The following CLDN8 variants were observed in gnomAD, a reference collection of about 807,000 sequenced individuals.
CLDN8 encodes claudin 8.
In CLDN8, 2 loss-of-function variants were observed where a neutral mutation model predicts 2.2. The ratio of observed to expected loss-of-function variants is 0.90; its 90% CI spans 0.37 to 2.82. The LOEUF is 2.82. Among genes scored for constraint, CLDN8 ranks in the 30% most tolerant of loss-of-function variants. The pLI is 0.10. For missense variants in CLDN8, 314 were observed against 280.5 expected, an observed-to-expected ratio of 1.12 and a Z score of -0.85; for synonymous variants, 107 against 104.8, an observed-to-expected ratio of 1.02 and a Z score of -0.13.
Position 30,215,265 on chromosome 21 carries a change from T to C in CLDN8, c.661A>G (p.Arg221Gly). The change falls in exon 1 of 1, where the codon AGA becomes GGA. Residue 221 changes from arginine to glycine, a missense_variant. By Grantham distance (125) the Arg-to-Gly change is moderately radical. Coordinates refer to ENST00000399899, the MANE Select transcript of CLDN8 (RefSeq NM_199328.3). ...ATACACAACTACACATACTGACTTCTGGAGTAGACGCTCGGTGACTTCTTT... is the reference window on the plus strand; with the variant it reads ...ATACACAACTACACATACTGACTTCCGGAGTAGACGCTCGGTGACTTCTTT... ...TGKKSPSVYSRSQYV is the reference protein window; with the variant it reads ...TGKKSPSVYSGSQYV The C allele has an allele frequency of 1.2e-6, 2 of 1,614,112 alleles. No individual in the cohort carries two copies. The highest frequency in any genetic ancestry group is 1.7e-6 in the Non-Finnish European group (2 of 1,179,954).
Position 30,214,792 on chromosome 21 carries a change from C to A in CLDN8, c.*456G>T, listed in dbSNP as rs537346475. On this transcript the variant is annotated 3_prime_UTR_variant, in exon 1 of 1. Transcript: ENST00000399899. ...AATAGTAACCTTCTTCAACCCTATC[C>A]ATGATTTCCCTGAAAAGCAATAGTT... 6.4e-6 allele frequency: 1 copy of A among 155,422 alleles called. No individual in the cohort carries two copies. The highest frequency in any genetic ancestry group is 1.4e-5 in the Non-Finnish European group (1 of 69,926). 9.6% of individuals were successfully genotyped at this position (155,422 alleles called of 1,614,324 possible).
Position 30,215,729 on chromosome 21 carries a change from A to AT in CLDN8, c.196dup (p.Ile66AsnfsTer3), listed in dbSNP as rs1339321889. 1 of 1,613,866 alleles carries AT rather than the reference A, an allele frequency of 6.2e-7. No homozygotes were observed. Among genetic ancestry groups the AT allele is most frequent in the Non-Finnish European group, 8.5e-7 (1 of 1,180,002 alleles). ...AGAAAGAGCCAGCAGGGAATCATAG[A>AT]TTTTGCACTGCATCCTGATGTTAGC... On this transcript the variant is annotated frameshift_variant, in exon 1 of 1. Transcript: ENST00000399899. LOFTEE classifies it low-confidence loss of function (END_TRUNC).
chr21:30,215,513 C>T lies in CLDN8; in HGVS notation c.413G>A (p.Ser138Asn). 2 of 1,614,098 alleles carry T rather than the reference C, an allele frequency of 1.2e-6. No individual in the cohort carries two copies. Among genetic ancestry groups the T allele is most frequent in the African/African-American group, 1.3e-5 (1 of 75,030 alleles). Residue 138 changes from serine (S) to asparagine (N), a missense_variant, in exon 1 of 1, where the codon AGC (serine) becomes AAC (asparagine). Ser to Asn is a conservative substitution (Grantham distance 46). Coordinates refer to ENST00000399899, the MANE Select transcript of CLDN8 (RefSeq NM_199328.3). ...ITGMVVLIPV[S>N]WVANAIIRDF... ...TCTGATGATGGCATTGGCAACCCAG[C>T]TCACAGGGATGAGCACCACCATGCC...
In CLDN8 at chr21:30,215,282, G is replaced by T; in HGVS notation, c.644C>A (p.Ser215Ter). The T allele has an allele frequency of 6.2e-7, 1 of 1,614,108 alleles. No homozygotes were observed. The highest frequency in any genetic ancestry group is 1.1e-5 in the South Asian group (1 of 91,062). Residue 215 changes from serine (S) to a stop codon, truncating the protein, a stop_gained, in exon 1 of 1, where the codon TCA (serine) becomes TAA (stop). Transcript: ENST00000399899. LOFTEE classifies it high-confidence loss of function. ...CTGACTTCTGGAGTAGACGCTCGGT[G>T]ACTTCTTTCCGGTGTGATAACTTTT... ...TQKSYHTGKK[S>*]PSVYSRSQYV
Position 30,215,489 on chromosome 21 carries a change from C to G in CLDN8, c.437G>C (p.Arg146Thr), listed in dbSNP as rs772528868. The G allele has an allele frequency of 6.2e-7, 1 of 1,614,080 alleles. No individual in the cohort carries two copies. Among genetic ancestry groups the G allele is most frequent in the Admixed American group, 1.7e-5 (1 of 60,012 alleles). Residue 146 changes from arginine to threonine, a missense_variant, in exon 1 of 1, where the codon AGA becomes ACA. Physicochemically the swap from Arg to Thr is moderately conservative, Grantham distance 71. Transcript: ENST00000399899. ...ATTCACTATTGAGTTATAGAAATCT[C>G]TGATGATGGCATTGGCAACCCAGCT... ...PVSWVANAII[R>T]DFYNSIVNVA...
Position 30,215,328 on chromosome 21 carries a change from G to T in CLDN8, c.598C>A (p.Pro200Thr). 1 of 1,614,160 alleles carries T rather than the reference G, an allele frequency of 6.2e-7. No homozygotes were observed. Among genetic ancestry groups the T allele is most frequent in the Non-Finnish European group, 8.5e-7 (1 of 1,180,020 alleles). ...CTTTTTTGGGTTGTGCGATGGGAAG[G>T]TATCGAGTATCTGTAGCTACTGCTC... ...EKSSSYRYSIPSHRTTQKSYH... is the reference protein window; with the variant it reads ...EKSSSYRYSITSHRTTQKSYH... Residue 200 changes from proline (P) to threonine (T), a missense_variant, in exon 1 of 1, where the codon CCT (proline) becomes ACT (threonine). By Grantham distance (38) the Pro-to-Thr change is conservative. Coordinates refer to ENST00000399899, the MANE Select transcript of CLDN8 (RefSeq NM_199328.3).
In CLDN8 at chr21:30,215,195, T is replaced by C. The variant is rs992975523; in HGVS notation, c.*53A>G. ...TGGGGTCCATTTTGAGAAAGTAATA[T>C]AGATTTTTGTCATTTGCATGGCTTT... is the stretch of plus-strand genomic sequence containing the variant. On this transcript the variant is annotated 3_prime_UTR_variant, in exon 1 of 1. Coordinates refer to ENST00000399899, the MANE Select transcript of CLDN8 (RefSeq NM_199328.3). 2.0e-5 allele frequency: 30 copies of C among 1,486,466 alleles called. No individual in the cohort carries two copies. The highest frequency in any genetic ancestry group is 3.6e-5 in the South Asian group (3 of 83,728). 92.1% of individuals were successfully genotyped at this position (1,486,466 alleles called of 1,614,324 possible). A position where few individuals can be genotyped will look rare whatever the true frequency, so the allele number is the denominator to read the frequency against.
Position 30,214,742 on chromosome 21 carries a change from A to T in CLDN8, c.*506T>A, listed in dbSNP as rs1190075234. The T allele has an allele frequency of 6.5e-6, 1 of 153,270 alleles. No individual in the cohort carries two copies. The highest frequency in any genetic ancestry group is 1.5e-5 in the Non-Finnish European group (1 of 68,522). The allele number at this position is 153,270 out of a possible 1,614,324, so 9.5% of individuals were successfully genotyped here. A position where few individuals can be genotyped will look rare whatever the true frequency, so the allele number is the denominator to read the frequency against. On this transcript the variant is annotated 3_prime_UTR_variant, in exon 1 of 1. Coordinates refer to ENST00000399899, the MANE Select transcript of CLDN8 (RefSeq NM_199328.3). The stretch of plus-strand genomic sequence containing the variant: ...TCTTCATTATAAATGGAGGACATTA[A>T]TCCCTAAGCTGTTTTTAAACAATTA...
In CLDN8 at chr21:30,214,167, T is replaced by A. The variant is rs182250092; in HGVS notation, c.*1081A>T. ...AAAATACAGTATTTACAGATTTTAGTAAAACTAAACAGAAATGGTACAAGA... is the reference window on the plus strand; with the variant it reads ...AAAATACAGTATTTACAGATTTTAGAAAAACTAAACAGAAATGGTACAAGA... On this transcript the variant is annotated 3_prime_UTR_variant, in exon 1 of 1. Coordinates refer to ENST00000399899, the MANE Select transcript of CLDN8 (RefSeq NM_199328.3). 1 of 152,280 alleles carries A rather than the reference T, an allele frequency of 6.6e-6. No homozygotes were observed. The highest frequency in any genetic ancestry group is 1.5e-5 in the Non-Finnish European group (1 of 67,984). The allele number at this position is 152,280 out of a possible 1,614,324, so 9.4% of individuals were successfully genotyped here.
Position 30,215,357 on chromosome 21 carries a change from T to C in CLDN8, c.569A>G (p.Glu190Gly). The C allele has an allele frequency of 6.2e-7, 1 of 1,614,192 alleles. No individual in the cohort carries two copies. Among genetic ancestry groups the C allele is most frequent in the Non-Finnish European group, 8.5e-7 (1 of 1,180,024 alleles). ...CGAGTATCTGTAGCTACTGCTCTTT[T>C]CGTTGCAACAAAAAACGCAGCAGAA... ...ALFCCVFCCN[E>G]KSSSYRYSIP... Residue 190 changes from glutamate to glycine, a missense_variant, in exon 1 of 1, where the codon GAA becomes GGA. Transcript: ENST00000399899.
Position 30,215,901 on chromosome 21 carries a change from C to T in CLDN8, c.25G>A (p.Ala9Thr), listed in dbSNP as rs778908212. 6.2e-7 allele frequency: 1 copy of T among 1,608,612 alleles called. No individual in the cohort carries two copies. The highest frequency in any genetic ancestry group is 8.5e-7 in the Non-Finnish European group (1 of 1,177,082). ...CCAACACCACCAAGAAACAGCCCAGCGATTTCTAAGGCATGGGTTGCCATT... is the reference window on the plus strand; with the variant it reads ...CCAACACCACCAAGAAACAGCCCAGTGATTTCTAAGGCATGGGTTGCCATT... MATHALEIAGLFLGGVGMV... is the reference protein window; with the variant it reads MATHALEITGLFLGGVGMV... Residue 9 changes from alanine to threonine, a missense_variant, in exon 1 of 1, where the codon GCT becomes ACT. By Grantham distance (58) the Ala-to-Thr change is moderately conservative (BLOSUM62 0). Transcript: ENST00000399899.
In CLDN8 at chr21:30,215,279, G is replaced by T; in HGVS notation, c.647C>A (p.Pro216Gln). The T allele has an allele frequency of 2.5e-6, 4 of 1,614,008 alleles. No homozygotes were observed. The highest frequency in any genetic ancestry group is 1.7e-5 in the Admixed American group (1 of 60,012). The change falls in exon 1 of 1, where the codon CCG becomes CAG. Residue 216 changes from proline (P) to glutamine (Q), a missense_variant. Transcript: ENST00000399899. ...QKSYHTGKKS[P>Q]SVYSRSQYV ...ATACTGACTTCTGGAGTAGACGCTC[G>T]GTGACTTCTTTCCGGTGTGATAACT...
chr21:30,215,333 G>A lies in CLDN8; in HGVS notation c.593C>T (p.Ser198Leu). The stretch of plus-strand genomic sequence containing the variant: ...TTGGGTTGTGCGATGGGAAGGTATC[G>A]AGTATCTGTAGCTACTGCTCTTTTC... ...CNEKSSSYRY[S>L]IPSHRTTQKS... The change falls in exon 1 of 1, where the codon TCG becomes TTG. Residue 198 changes from serine to leucine, a missense_variant. By Grantham distance (145) the Ser-to-Leu change is moderately radical. Coordinates refer to ENST00000399899, the MANE Select transcript of CLDN8 (RefSeq NM_199328.3). 2 of 1,614,116 alleles carry A rather than the reference G, an allele frequency of 1.2e-6. No individual in the cohort carries two copies. Among genetic ancestry groups the A allele is most frequent in the African/African-American group, 1.3e-5 (1 of 75,020 alleles).
rs1978973537 is a variant in CLDN8, at chr21:30,215,994, C to T, written c.-69G>A. On this transcript the variant is annotated 5_prime_UTR_variant, in exon 1 of 1. Coordinates refer to ENST00000399899, the MANE Select transcript of CLDN8 (RefSeq NM_199328.3). Reference sequence around the variant, plus strand: ...TACTTCTGCTTTGAAGCAGGGTTCTCTGTGCCACAGAAGAGAACAGTTTTT... The same window carrying T: ...TACTTCTGCTTTGAAGCAGGGTTCTTTGTGCCACAGAAGAGAACAGTTTTT... 1 of 1,385,528 alleles carries T rather than the reference C, an allele frequency of 7.2e-7. No homozygotes were observed. Among genetic ancestry groups the T allele is most frequent in the Non-Finnish European group, 9.9e-7 (1 of 1,011,396 alleles). 85.8% of individuals were successfully genotyped at this position (1,385,528 alleles called of 1,614,324 possible). A position where few individuals can be genotyped will look rare whatever the true frequency, so the allele number is the denominator to read the frequency against.
chr21:30,215,767 A>G lies in CLDN8; in HGVS notation c.159T>C (p.Asn53=). 6.2e-7 allele frequency: 1 copy of G among 1,614,012 alleles called. No homozygotes were observed. Among genetic ancestry groups the G allele is most frequent in the East Asian group, 2.2e-5 (1 of 44,868 alleles). ...FENFWEGLWM[N]CVRQANIRMQ... is the part of the protein sequence containing the mutation. ...TCCTGATGTTAGCCTGCCTCACGCA[A>G]TTCATCCACAGTCCTTCCCAGAAGT... is the stretch of plus-strand genomic sequence containing the variant. Residue 53 remains asparagine (N), a synonymous_variant, in exon 1 of 1, where the codon AAT becomes AAC. Transcript: ENST00000399899.
In CLDN8 at chr21:30,215,785, C is replaced by G; in HGVS notation, c.141G>C (p.Trp47Cys). ...TCACGCAATTCATCCACAGTCCTTC[C>G]CAGAAGTTTTCAAAAACCACGATGT... ...ENNIVVFENF[W>C]EGLWMNCVRQ... Residue 47 changes from tryptophan to cysteine, a missense_variant, in exon 1 of 1, where the codon TGG becomes TGC. Transcript: ENST00000399899. The G allele has an allele frequency of 1.9e-6, 3 of 1,613,984 alleles. No individual in the cohort carries two copies. Among genetic ancestry groups the G allele is most frequent in the Non-Finnish European group, 2.5e-6 (3 of 1,179,982 alleles).
In CLDN8 at chr21:30,215,475, A is replaced by G. The variant is rs686364; in HGVS notation, c.451T>C (p.Ser151Pro). 0.27 allele frequency: 432,011 copies of G among 1,613,388 alleles called. 65,975 individuals are homozygous for G. Among genetic ancestry groups the G allele is most frequent in the African/African-American group, 0.67 (50,319 of 74,894 alleles). Residue 151 changes from serine (S) to proline (P), a missense_variant, in exon 1 of 1, where the codon TCA becomes CCA. Physicochemically the swap from Ser to Pro is moderately conservative, Grantham distance 74. Coordinates refer to ENST00000399899, the MANE Select transcript of CLDN8 (RefSeq NM_199328.3). ...CGTTTTTGGGCAACATTCACTATTG[A>G]GTTATAGAAATCTCTGATGATGGCA... ...ANAIIRDFYN[S>P]IVNVAQKREL... is the part of the protein sequence containing the mutation.
At position 30,215,655 on chromosome 21, in the gene CLDN8, A is replaced by G; in HGVS notation, c.271T>C (p.Ser91Pro). The change falls in exon 1 of 1, where the codon TCC becomes CCC. Residue 91 changes from serine to proline, a missense_variant. Transcript: ENST00000399899. ...ATGGCCATCATGAAAGCCAAGAAGG[A>G]CATCACGGAAGCAGCACACATCAGT... ...RGLMCAASVM[S>P]FLAFMMAILG... is the part of the protein sequence containing the mutation. The G allele has an allele frequency of 6.2e-7, 1 of 1,614,090 alleles. No individual in the cohort carries two copies. The highest frequency in any genetic ancestry group is 8.5e-7 in the Non-Finnish European group (1 of 1,180,012).
In CLDN8 at chr21:30,215,002, T is replaced by C; in HGVS notation, c.*246A>G. 4 of 451,654 alleles carry C rather than the reference T, an allele frequency of 8.9e-6. No individual in the cohort carries two copies. In the South Asian group the frequency reaches 1.1e-4, roughly 12 times the overall value. 28.0% of individuals were successfully genotyped at this position (451,654 alleles called of 1,614,324 possible). A position where few individuals can be genotyped will look rare whatever the true frequency, so the allele number is the denominator to read the frequency against. On this transcript the variant is annotated 3_prime_UTR_variant, in exon 1 of 1. Transcript: ENST00000399899. ...ATTTTGAAGTAAATGATAAAAAGAG[T>C]AGATGCTTGAACCACCTTAGAAAAC...
Sources: allele counts gnomAD v4.1 joint callset, GRCh38; gene constraint gnomAD v4.1.1; transcripts MANE v1.5; gene names NCBI Gene and HGNC (gene_info 2026-07-23, HGNC 2026-07-21).